Variants in COG4 observed in about 807,000 individuals in gnomAD.
The protein encoded by COG4 is component of oligomeric golgi complex 4, also known as conserved oligomeric Golgi complex subunit 4.
A neutral mutation model predicts 95.1 loss-of-function variants in COG4; 65 were observed. That is an observed-to-expected ratio of 0.68 (90% CI 0.56 to 0.84). The LOEUF is 0.84. Among genes scored for constraint, COG4 ranks in the 40% least tolerant of loss-of-function variants. The probability of loss-of-function intolerance (pLI) is 0.00; values close to 1 mark genes in which losing one functional copy is unlikely to be tolerated. For synonymous variants in COG4, 421 were observed against 374.8 expected (o/e 1.12, Z -1.42); for missense variants, 1,045 against 989.1 (o/e 1.06, Z -0.76).
Position 70,509,353 on chromosome 16 carries a change from C to T in COG4, c.880G>A (p.Val294Met). The T allele has an allele frequency of 1.2e-6, 2 of 1,614,206 alleles. No individual in the cohort carries two copies. The highest frequency in any genetic ancestry group is 1.7e-6 in the Non-Finnish European group (2 of 1,180,028). ...ARIVETHQPI[V>M]ETYYGPGRLY... Reference sequence around the variant, plus strand: ...CTCCCTGGCCCATAATAGGTCTCCACTATTGGCTGGTGGGTCTCCACAATG... The same window carrying T: ...CTCCCTGGCCCATAATAGGTCTCCATTATTGGCTGGTGGGTCTCCACAATG... The change falls in exon 7 of 19, where the codon GTG becomes ATG. Residue 294 changes from valine to methionine, a missense_variant. Transcript: ENST00000323786.
intron 8 of COG4, among the ~76,000 whole-genome samples, chr16:70,507,353 T>C (rs144437975): frequency 9.1e-4 from 139 of 152,286 alleles, no homozygotes; most frequent in African/African-American, 3.2e-3. Flanking sequence ...CAGTACATAA[T>C]ACTGTACCTC....
At position 70,501,023 on chromosome 16, in the gene COG4, A is replaced by T; in HGVS notation, c.1130T>A (p.Leu377His). ...NARSELYLRF[L>H]KKRISSDFEV... ...AAAATCAGAGCTAATCCTCTTCTTG[A>T]GGAAGCGTAAGTATAGCTCACTGCG... Residue 377 changes from leucine to histidine, a missense_variant, in exon 9 of 19, where the codon CTC becomes CAC. Coordinates refer to ENST00000323786, the MANE Select transcript of COG4 (RefSeq NM_015386.3). 1 of 1,614,096 alleles carries T rather than the reference A, an allele frequency of 6.2e-7. No homozygotes were observed. The highest frequency in any genetic ancestry group is 8.5e-7 in the Non-Finnish European group (1 of 1,180,016).
At position 70,523,394 on chromosome 16, in the gene COG4, G is replaced by A. The variant is rs200747786; in HGVS notation, c.150C>T (p.Tyr50=). The A allele has an allele frequency of 3.2e-5, 51 of 1,614,134 alleles. 1 individual carries two copies. In the Admixed American group the frequency reaches 8.2e-4, roughly 26 times the overall value. Residue 50 remains tyrosine (Y), a synonymous_variant, in exon 1 of 19, where the codon TAC becomes TAT. Coordinates refer to ENST00000323786, the MANE Select transcript of COG4 (RefSeq NM_015386.3). ...GCACCTCCTCGCCGCAGAGCCGTTC[G>A]TATACAGCCTCCAGCTCCTGCAGCT... is the stretch of plus-strand genomic sequence containing the variant. ...LTELQELEAV[Y]ERLCGEEKVV... is the part of the protein sequence containing the mutation.
In COG4 at chr16:70,501,200, A is replaced by T. The variant is rs1033097722; in HGVS notation, c.1062-109T>A. ...CCCCCTCCCCACTGGGCCCATAAGG[A>T]AAAGCTCTGCCAGATGGCCCTCCTA... is the stretch of plus-strand genomic sequence containing the variant. On this transcript the variant is annotated intron_variant, in intron 8 of 18. Coordinates refer to ENST00000323786, the MANE Select transcript of COG4 (RefSeq NM_015386.3). 3 of 1,264,164 alleles carry T rather than the reference A, an allele frequency of 2.4e-6. No individual in the cohort carries two copies. The African/African-American group carries it at 4.4e-5, about 18-fold the overall frequency. 78.3% of individuals were successfully genotyped at this position (1,264,164 alleles called of 1,614,324 possible). A position where few individuals can be genotyped will look rare whatever the true frequency, so the allele number is the denominator to read the frequency against.
chr16:70,522,913 C>T lies in COG4; in HGVS notation c.171+460G>A, dbSNP rs370275926. Among the ~76,000 whole-genome samples the T allele has an allele frequency of 9.4e-4, 143 of 152,298 alleles. 1 individual carries two copies. The highest frequency in any genetic ancestry group is 6.8e-3 in the Middle Eastern group (2 of 294). On this transcript the variant is annotated intron_variant, in intron 1 of 18. Transcript: ENST00000323786. ...TTGACCAAAACGCTAAAATCACACC[C>T]CCAAATCACTCCCCACAAGAGGAAG...
chr16:70,491,384 G>C (rs762453885), intron 12 of COG4, among the ~76,000 whole-genome samples: 25 of 151,998 alleles, frequency 1.6e-4, no homozygotes, highest in African/African-American at 5.3e-4. Context: ...AGCCAGGCGT[G>C]GTGGTGCACA....
In COG4 at chr16:70,482,326, C is replaced by T. The variant is rs181441270; in HGVS notation, c.1921-151G>A. 4.5e-5 allele frequency: 32 copies of T among 705,230 alleles called. No individual in the cohort carries two copies. In the Admixed American group the frequency reaches 6.4e-4, roughly 14 times the overall value. 43.7% of individuals were successfully genotyped at this position (705,230 alleles called of 1,614,324 possible). A position where few individuals can be genotyped will look rare whatever the true frequency, so the allele number is the denominator to read the frequency against. On this transcript the variant is annotated intron_variant, in intron 15 of 18. Coordinates refer to ENST00000323786, the MANE Select transcript of COG4 (RefSeq NM_015386.3). ...CTAGTTTAAAACCAGCTCAGACACCCAGGCTGGCAGAAACTGACCAGCAAA... is the reference window on the plus strand; with the variant it reads ...CTAGTTTAAAACCAGCTCAGACACCTAGGCTGGCAGAAACTGACCAGCAAA...
At chr16:70,514,309 A>G in intron 4 of COG4, 26 bp downstream of exon 4, 1 of 1,611,930 alleles carries the variant, frequency 6.2e-7, no homozygotes, top group Non-Finnish European at 8.5e-7. Flanking sequence ...TAACTAAACT[A>G]AAAACCAACA....
chr16:70,502,625 G>A (rs2049478655), intron 8 of COG4, among the ~76,000 whole-genome samples: 1 of 151,332 alleles, frequency 6.6e-6, no homozygotes, highest in Non-Finnish European at 1.5e-5. Flanking sequence ...AATTATCAGT[G>A]TCTCATGTGA....
Position 70,480,910 on chromosome 16 carries a change from G to T in COG4, c.*100C>A. 1 of 1,435,752 alleles carries T rather than the reference G, an allele frequency of 7.0e-7. No individual in the cohort carries two copies. The highest frequency in any genetic ancestry group is 9.7e-7 in the Non-Finnish European group (1 of 1,032,732). The allele number at this position is 1,435,752 out of a possible 1,614,324, so 88.9% of individuals were successfully genotyped here. A position where few individuals can be genotyped will look rare whatever the true frequency, so the allele number is the denominator to read the frequency against. ...AGCCGTAGAAAGGTCTGGGCTGTCA[G>T]ATCTCCCCCAAGCCAGACAGCCTCG... is the stretch of plus-strand genomic sequence containing the variant. On this transcript the variant is annotated 3_prime_UTR_variant, in exon 19 of 19. Transcript: ENST00000323786.
chr16:70,506,851 G>T (rs1451556310), intron 8 of COG4, among the ~76,000 whole-genome samples: 5 of 152,014 alleles, frequency 3.3e-5, no homozygotes, highest in African/African-American at 1.2e-4. Flanking sequence ...TTGTGGGAAG[G>T]GAAGAGGAGA....
intron 8 of COG4, 104 bp from the exon 9 acceptor site, chr16:70,501,195 T>A: frequency 1.5e-6 from 2 of 1,295,564 alleles, no homozygotes; most frequent in African/African-American, 2.9e-5. Flanking sequence ...ACTGGGCCCA[T>A]AAGGAAAAGC....
chr16:70,510,498 A>C (rs562885428), intron 5 of COG4, among the ~76,000 whole-genome samples: 1 of 149,602 alleles, frequency 6.7e-6, no homozygotes, highest in South Asian at 2.1e-4. Flanking sequence ...AATTTTTTAA[A>C]AATTTCTGTA....
intron 11 of COG4, among the ~76,000 whole-genome samples, 162 bp from the exon 12 acceptor site, chr16:70,496,593 A>G (rs1025254451): frequency 6.6e-6 from 1 of 152,180 alleles, no homozygotes; most frequent in African/African-American, 2.4e-5. Context: ...CCAGGGTATG[A>G]AAGTAACCAG....
chr16:70,517,519 T>C (rs906898199), intron 3 of COG4, 107 bp downstream of exon 3: 6 of 690,860 alleles, frequency 8.7e-6, no homozygotes, highest in African/African-American at 1.9e-5. Context: ...GCCCAGGGAG[T>C]TGGGGCTGTA....
At chr16:70,506,921 G>A (rs2049590102) in intron 8 of COG4, among the ~76,000 whole-genome samples, 1 of 152,080 alleles carries the variant, frequency 6.6e-6, no homozygotes, top group South Asian at 2.1e-4. Context: ...GGTCAGAAAT[G>A]AACTGCTGGG....
chr16:70,517,367 A>C (rs1006549463), intron 3 of COG4, among the ~76,000 whole-genome samples: 1 of 151,652 alleles, frequency 6.6e-6, no homozygotes, highest in Non-Finnish European at 1.5e-5. Context: ...GTGGAAGGAT[A>C]ACTTGAGCCC....
intron 12 of COG4, among the ~76,000 whole-genome samples, chr16:70,493,888 G>T (rs1361393098): frequency 6.6e-6 from 1 of 152,184 alleles, no homozygotes; most frequent in Non-Finnish European, 1.5e-5. Context: ...GTGGCATGAT[G>T]AGGAAGGCAG....
intron 1 of COG4, among the ~76,000 whole-genome samples, chr16:70,522,034 G>T (rs2049956942): frequency 7.2e-6 from 1 of 139,732 alleles, no homozygotes; most frequent in South Asian, 2.3e-4. Flanking sequence ...TTTTGCTCTT[G>T]TTGCCCAGGC....
Sources: allele counts gnomAD v4.1 joint callset (sites outside exome capture counted in the v4.1 genomes callset), GRCh38; gene constraint gnomAD v4.1.1; transcripts MANE v1.5; gene names NCBI Gene and HGNC (gene_info 2026-07-23, HGNC 2026-07-21).